SETDB1: variants seen among roughly 807,000 people sequenced by gnomAD.
The protein encoded by SETDB1 is SET domain bifurcated histone lysine methyltransferase 1.
SETDB1 carries 31 observed loss-of-function variants against 137.4 expected under a neutral mutation model. That is an observed-to-expected ratio of 0.23 (90% CI 0.17 to 0.30). The LOEUF (loss-of-function observed/expected upper bound fraction) is 0.30, where lower values mean the gene tolerates loss of function less well. Ranked by LOEUF, SETDB1 falls within the 10% of genes least tolerant of loss-of-function variation. The probability of loss-of-function intolerance (pLI) is 1.00; values close to 1 mark genes in which losing one functional copy is unlikely to be tolerated. For missense variants in SETDB1, 1,113 were observed against 1,631.5 expected (o/e 0.68, Z 5.47); for synonymous variants, 548 against 579.9 (o/e 0.95, Z 0.79).
Position 150,949,187 on chromosome 1 carries a change from T to TTCA in SETDB1, c.1334_1336dup (p.Phe445_Lys446insIle), listed in dbSNP as rs1170429548. On this transcript the variant is annotated inframe_insertion, in exon 11 of 22. Coordinates refer to ENST00000692827, the MANE Select transcript of SETDB1 (RefSeq NM_001366418.1). ...GGATCTGACCGGTACTGGAACCCAGTTCAAGCCAGTGGAACCCCCACAGCC... is the reference window on the plus strand; with the variant it reads ...GGATCTGACCGGTACTGGAACCCAGTTCATCAAGCCAGTGGAACCCCCACAGCC... 1 of 1,613,978 alleles carries TTCA rather than the reference T, an allele frequency of 6.2e-7. No homozygotes were observed. Among genetic ancestry groups the TTCA allele is most frequent in the Non-Finnish European group, 8.5e-7 (1 of 1,179,968 alleles).
Position 150,960,782 on chromosome 1 carries a change from A to G in SETDB1, c.2723A>G (p.Asp908Gly), listed in dbSNP as rs1670792238. ...DPEESNDDSS[D>G]DNFCKDEDFS... ...GAAGAGTCCAATGATGATAGCTCAG[A>G]TGATAACTTCTGTAAGGATGAGGAC... The change falls in exon 16 of 22, where the codon GAT becomes GGT. Residue 908 changes from aspartate to glycine, a missense_variant. Around this residue, in one of 11 missense-constraint regions of SETDB1, gnomAD observed 373 missense variants for 412.7 expected, o/e 0.90. Coordinates refer to ENST00000692827, the MANE Select transcript of SETDB1 (RefSeq NM_001366418.1). 7.5e-6 allele frequency: 12 copies of G among 1,610,410 alleles called. No individual in the cohort carries two copies. Among genetic ancestry groups the G allele is most frequent in the Non-Finnish European group, 1.0e-5 (12 of 1,178,250 alleles).
chr1:150,948,057 C>T (rs897526246), intron 10 of SETDB1, among the ~76,000 whole-genome samples: 15 of 151,206 alleles, frequency 9.9e-5, no homozygotes, highest in African/African-American at 2.9e-4. Context: ...CATAGAAAGA[C>T]TCTTATCTCT....
chr1:150,944,965 A>G lies in SETDB1; in HGVS notation c.997A>G (p.Ile333Val). ...AGAAGACATCTCCTGCCGTGACTTCATAGAGGAGTATGTCACTGCCTACCC... is the reference window on the plus strand; with the variant it reads ...AGAAGACATCTCCTGCCGTGACTTCGTAGAGGAGTATGTCACTGCCTACCC... Reference protein sequence around the residue: ...DIEDISCRDFIEEYVTAYPNR... With the variant: ...DIEDISCRDFVEEYVTAYPNR... Residue 333 changes from isoleucine to valine, a missense_variant, in exon 9 of 22, where the codon ATA becomes GTA. Physicochemically the swap from Ile to Val is conservative, Grantham distance 29. Coordinates refer to ENST00000692827, the MANE Select transcript of SETDB1 (RefSeq NM_001366418.1). The G allele has an allele frequency of 1.2e-6, 2 of 1,614,114 alleles. No homozygotes were observed. The highest frequency in any genetic ancestry group is 8.5e-7 in the Non-Finnish European group (1 of 1,179,958).
At chr1:150,963,503 C>T in intron 19 of SETDB1, 27 bp from the exon 20 acceptor site, 1 of 1,578,024 alleles carries the variant, frequency 6.3e-7, no homozygotes, top group Non-Finnish European at 8.7e-7. Context: ...TGGGATGGGT[C>T]CTGACCCCAT....
At chr1:150,941,068 C>G (rs1050678532) in intron 4 of SETDB1, among the ~76,000 whole-genome samples, 1 of 151,846 alleles carries the variant, frequency 6.6e-6, no homozygotes, top group East Asian at 1.9e-4. Context: ...GAGGCTGAGG[C>G]AGGAGAATCG....
At position 150,933,743 on chromosome 1, in the gene SETDB1, ATTTTTC is replaced by A. The variant is rs538993878; in HGVS notation, c.412+3661_412+3666del. Among the ~76,000 whole-genome samples, 125 of 100,556 alleles carry A rather than the reference ATTTTTC, an allele frequency of 1.2e-3. 5 individuals carry two copies. The highest frequency in any genetic ancestry group is 3.5e-3 in the South Asian group (11 of 3,114). The allele number at this position is 100,556 out of a possible 152,430, so 66.0% of individuals were successfully genotyped here. A position where few individuals can be genotyped will look rare whatever the true frequency, so the allele number is the denominator to read the frequency against. ...TCAGAAAACCACTGTCATTCTTCTGATTTTTCTTTTTCTTTTTCTTTTTCTTTTTCT... is the reference window on the plus strand; with the variant it reads ...TCAGAAAACCACTGTCATTCTTCTGATTTTTCTTTTTCTTTTTCTTTTTCT... On this transcript the variant is annotated intron_variant, in intron 3 of 21. Coordinates refer to ENST00000692827, the MANE Select transcript of SETDB1 (RefSeq NM_001366418.1).
At chr1:150,943,193 A>T in intron 7 of SETDB1, 140 bp downstream of exon 7, 1 of 626,220 alleles carries the variant, frequency 1.6e-6, no homozygotes, top group South Asian at 2.0e-5. Context: ...TCTTTACCAC[A>T]GGAGTCATGT....
At position 150,964,605 on chromosome 1, in the gene SETDB1, C is replaced by T. The variant is rs1356333555; in HGVS notation, c.*241C>T. The T allele has an allele frequency of 6.1e-6, 4 of 654,438 alleles. No individual in the cohort carries two copies. The highest frequency in any genetic ancestry group is 1.1e-5 in the Non-Finnish European group (4 of 360,754). The allele number at this position is 654,438 out of a possible 1,614,324, so 40.5% of individuals were successfully genotyped here. A position where few individuals can be genotyped will look rare whatever the true frequency, so the allele number is the denominator to read the frequency against. On this transcript the variant is annotated 3_prime_UTR_variant, in exon 22 of 22. Transcript: ENST00000692827. ...GATCACCACTCTAACCTCGGCCTGA[C>T]ATCCCTCCCATCCCATATTTGTCCA...
At chr1:150,952,874 C>T (rs1022271425) in intron 14 of SETDB1, among the ~76,000 whole-genome samples, 2 of 151,880 alleles carry the variant, frequency 1.3e-5, no homozygotes, top group African/African-American at 4.8e-5. Flanking sequence ...GCAACAAGAG[C>T]GAAACTCAGT....
At chr1:150,945,318 G>A (rs1670292219) in intron 9 of SETDB1, 11 of 1,430,538 alleles carry the variant, frequency 7.7e-6, no homozygotes, top group Non-Finnish European at 8.2e-6. Flanking sequence ...ATTATAATAC[G>A]AATCTGCATG....
chr1:150,928,742 C>T (rs368951801), intron 2 of SETDB1, among the ~76,000 whole-genome samples: 1 of 152,092 alleles, frequency 6.6e-6, no homozygotes, highest in East Asian at 1.9e-4. Context: ...TATCCCTCCC[C>T]CTTCCCCCCA....
chr1:150,956,091 C>CAAA (rs3975893), intron 14 of SETDB1, among the ~76,000 whole-genome samples: 2 of 101,216 alleles, frequency 2.0e-5, no homozygotes, highest in Non-Finnish European at 3.9e-5. Context: ...GACTTCGTCT[C>CAAA]AAAAAAAAAA....
At chr1:150,949,737 T>A (rs1225857554) in intron 12 of SETDB1, among the ~76,000 whole-genome samples, 1 of 152,186 alleles carries the variant, frequency 6.6e-6, no homozygotes, top group Non-Finnish European at 1.5e-5. Flanking sequence ...TATGGTATCA[T>A]CTGAAAGCCA....
Position 150,964,251 on chromosome 1 carries a change from A to G in SETDB1, c.3766A>G (p.Ile1256Val). 6.2e-7 allele frequency: 1 copy of G among 1,613,934 alleles called. No homozygotes were observed. The highest frequency in any genetic ancestry group is 8.5e-7 in the Non-Finnish European group (1 of 1,179,786). The change falls in exon 22 of 22, where the codon ATC (isoleucine) becomes GTC (valine). Residue 1256 changes from isoleucine to valine, a missense_variant. Physicochemically the swap from Ile to Val is conservative, Grantham distance 29. Around this residue, in one of 11 missense-constraint regions of SETDB1, gnomAD observed 37 missense variants for 123.2 expected, o/e 0.30. Coordinates refer to ENST00000692827, the MANE Select transcript of SETDB1 (RefSeq NM_001366418.1). ...CATCCTTTTCTTCCTCTTCAGAAGAATCCGGGCTGGGACAGAACTTACTTG... is the reference window on the plus strand; with the variant it reads ...CATCCTTTTCTTCCTCTTCAGAAGAGTCCGGGCTGGGACAGAACTTACTTG... ...PWVAFFASKR[I>V]RAGTELTWDY...
intron 14 of SETDB1, among the ~76,000 whole-genome samples, chr1:150,955,046 A>G (rs1163087478): frequency 6.6e-6 from 1 of 152,252 alleles, no homozygotes; most frequent in African/African-American, 2.4e-5. Context: ...GCCTGAATAC[A>G]TTCAGAGGAG....
chr1:150,931,623 A>T (rs1486310106), intron 3 of SETDB1, among the ~76,000 whole-genome samples: 4 of 126,874 alleles, frequency 3.2e-5, no homozygotes, highest in African/African-American at 8.9e-5. Context: ...AAAAAAAATT[A>T]AAAAATAAAA....
At chr1:150,945,805 C>T (rs1040521621) in intron 9 of SETDB1, among the ~76,000 whole-genome samples, 1 of 152,096 alleles carries the variant, frequency 6.6e-6, no homozygotes, top group Non-Finnish European at 1.5e-5. Context: ...CTCACTGCAT[C>T]TTCCGCCTCC....
At chr1:150,933,773 CTTTTTCTTTTTT>C (rs1292296423) in intron 3 of SETDB1, among the ~76,000 whole-genome samples, 18 of 13,948 alleles carry the variant, frequency 1.3e-3, no homozygotes, top group Middle Eastern at 0.029. Context: ...TTTTCTTTTT[CTTTTTCTTTTTT>C]TTTTTTTTTT....
intron 14 of SETDB1, among the ~76,000 whole-genome samples, chr1:150,958,787 C>T (rs1571659504): frequency 6.6e-6 from 1 of 152,186 alleles, no homozygotes; most frequent in East Asian, 1.9e-4. Context: ...GAATTTCTCA[C>T]ATGTCTTTAT....
Sources: gnomAD v4.1 joint callset for allele counts (sites outside exome capture counted in the v4.1 genomes callset) on GRCh38, gnomAD v4.1.1 for gene constraint, gnomAD v4.1.1 regional missense constraint, MANE v1.5 for transcripts, NCBI Gene and HGNC (gene_info 2026-07-23, HGNC 2026-07-21) for gene names.